The following UMOD variants were observed in gnomAD, a reference collection of about 807,000 sequenced individuals.
UMOD encodes Tamm-Horsfall urinary glycoprotein.
Under a neutral mutation model 66.0 loss-of-function variants are expected in UMOD, and 64 were observed. The observed-to-expected ratio is 0.97, with a 90% CI of 0.79 to 1.19. The LOEUF is 1.19. Ranked by LOEUF, UMOD falls within the 50% of genes most tolerant of loss-of-function variation. The probability of loss-of-function intolerance (pLI) is 0.00; values close to 1 mark genes in which losing one functional copy is unlikely to be tolerated. For synonymous variants in UMOD, 398 were observed against 352.7 expected (o/e 1.13, Z -1.44); for missense variants, 764 against 850.9 (o/e 0.90, Z 1.27).
chr16:20,344,216 A>T, intron 5 of UMOD, 44 bp from the exon 6 acceptor site: 1 of 1,546,124 alleles, frequency 6.5e-7, no homozygotes, highest in Non-Finnish European at 8.9e-7. Flanking sequence ...GGATGAGAGA[A>T]AGGGGCATGA....
In UMOD at chr16:20,337,411, A is replaced by G. The variant is rs1485082551; in HGVS notation, c.1620T>C (p.Asn540=). The part of the protein sequence containing the change: ...TRDSTIQVVE[N]GESSQGRFSV... ...AAAATCGGCCCTGGGAGGACTCCCC[A>G]TTCTCCACCACTTGGATAGTTGAGT... is the stretch of plus-strand genomic sequence containing the variant. The change falls in exon 8 of 11, where the codon AAT becomes AAC. Residue 540 remains asparagine (N), a synonymous_variant. Coordinates refer to ENST00000396138, the MANE Select transcript of UMOD (RefSeq NM_003361.4). 6.2e-7 allele frequency: 1 copy of G among 1,614,082 alleles called. No homozygotes were observed. The highest frequency in any genetic ancestry group is 8.5e-7 in the Non-Finnish European group (1 of 1,180,038).
At chr16:20,345,648 C>T (rs1439395778) in intron 5 of UMOD, among the ~76,000 whole-genome samples, 1 of 151,202 alleles carries the variant, frequency 6.6e-6, no homozygotes, top group Non-Finnish European at 1.5e-5. Flanking sequence ...AGATAATGCT[C>T]TGCTCACACA....
chr16:20,346,392 T>A, intron 4 of UMOD, 58 bp from the exon 5 acceptor site: 2 of 1,578,002 alleles, frequency 1.3e-6, no homozygotes, highest in Non-Finnish European at 8.7e-7. Context: ...GCCCAGCACA[T>A]CCCCAGGGGC....
chr16:20,341,888 C>T (rs1965243592), intron 6 of UMOD, among the ~76,000 whole-genome samples: 1 of 152,228 alleles, frequency 6.6e-6, no homozygotes, highest in Admixed American at 6.5e-5. Flanking sequence ...ACACTGAAAA[C>T]AGCCACACTG....
At chr16:20,348,139 C>A in intron 4 of UMOD, 84 bp downstream of exon 4, 1 of 1,234,640 alleles carries the variant, frequency 8.1e-7, no homozygotes, top group Admixed American at 1.7e-5. Context: ...CCCATATGGC[C>A]CCAATCTCAC....
rs371790388 is a variant in UMOD, at chr16:20,350,603, T to C, written c.88+47A>G. 8 of 1,607,760 alleles carry C rather than the reference T, an allele frequency of 5.0e-6. No individual in the cohort carries two copies. In the African/African-American group the frequency reaches 8.0e-5, roughly 16 times the overall value. ...ATTGCTTCCCCCACACATTCACACA[T>C]ACACGTGCATACACACATATACAAC... On this transcript the variant is annotated intron_variant, in intron 2 of 10. Coordinates refer to ENST00000396138, the MANE Select transcript of UMOD (RefSeq NM_003361.4).
chr16:20,345,393 T>C (rs1323326154), intron 5 of UMOD, among the ~76,000 whole-genome samples: 1 of 75,522 alleles, frequency 1.3e-5, no homozygotes, highest in Non-Finnish European at 3.6e-5. Flanking sequence ...TCCTTTCTTT[T>C]CTTTTTTTTT....
chr16:20,344,962 A>G (rs1337623960), intron 5 of UMOD, among the ~76,000 whole-genome samples: 2 of 152,210 alleles, frequency 1.3e-5, no homozygotes, highest in Non-Finnish European at 2.9e-5. Flanking sequence ...ATGCCAAGTC[A>G]CCATCAATGG....
chr16:20,353,388 T>C (rs1034442212), upstream of UMOD, among the ~76,000 whole-genome samples: 2 of 152,224 alleles, frequency 1.3e-5, no homozygotes, highest in African/African-American at 4.8e-5. Context: ...GTCTGCCTCC[T>C]TTATCTGGTG....
chr16:20,340,586 A>G (rs1965147487), intron 7 of UMOD, among the ~76,000 whole-genome samples: 1 of 151,958 alleles, frequency 6.6e-6, no homozygotes, highest in African/African-American at 2.4e-5. Context: ...GTAACTAAAA[A>G]GTACTGATGA....
chr16:20,342,176 C>G (rs1965261204), intron 6 of UMOD, among the ~76,000 whole-genome samples: 1 of 152,300 alleles, frequency 6.6e-6, no homozygotes, highest in East Asian at 1.9e-4. Context: ...AAGACCCTGT[C>G]TCTATAAAAA....
At chr16:20,355,494 C>T (rs1966015228), upstream of UMOD, among the ~76,000 whole-genome samples, 1 of 151,492 alleles carries the variant, frequency 6.6e-6, no homozygotes, top group Non-Finnish European at 1.5e-5. Context: ...ACCTCCACCT[C>T]CCAAGTTCAA....
chr16:20,348,518 G>C lies in UMOD; in HGVS notation c.783C>G (p.Ser261=), dbSNP rs1268996808. Residue 261 remains serine (S), a synonymous_variant, in exon 3 of 11, where the codon TCC becomes TCG. Coordinates refer to ENST00000396138, the MANE Select transcript of UMOD (RefSeq NM_003361.4). ...CGCCGGCACAGGCCTTCACCTGGACGGACGCATCCCACAGGCAGCAGTGGC... is the reference window on the plus strand; with the variant it reads ...CGCCGGCACAGGCCTTCACCTGGACCGACGCATCCCACAGGCAGCAGTGGC... ...WSGHCCLWDA[S]VQVKACAGGY... 4 of 1,607,244 alleles carry C rather than the reference G, an allele frequency of 2.5e-6. No individual in the cohort carries two copies. Among genetic ancestry groups the C allele is most frequent in the East Asian group, 4.5e-5 (2 of 44,830 alleles).
Position 20,350,758 on chromosome 16 carries a change from C to A in UMOD, c.-21G>T. On this transcript the variant is annotated 5_prime_UTR_variant, in exon 2 of 11. Coordinates refer to ENST00000396138, the MANE Select transcript of UMOD (RefSeq NM_003361.4). ...CCCATCCTTTCTGCTCTTCCCGCTA[C>A]TTCAGGTCTAGATAGCACCTGCCCA... 6.2e-7 allele frequency: 1 copy of A among 1,614,146 alleles called. No individual in the cohort carries two copies. The highest frequency in any genetic ancestry group is 8.5e-7 in the Non-Finnish European group (1 of 1,180,004).
At chr16:20,339,188 A>G (rs920446705) in intron 7 of UMOD, among the ~76,000 whole-genome samples, 1 of 152,266 alleles carries the variant, frequency 6.6e-6, no homozygotes, top group African/African-American at 2.4e-5. Flanking sequence ...TGGCAAAGCC[A>G]AGATTTGAAC....
At chr16:20,349,462 C>T (rs889484090) in intron 2 of UMOD, among the ~76,000 whole-genome samples, 1 of 152,242 alleles carries the variant, frequency 6.6e-6, no homozygotes, top group Non-Finnish European at 1.5e-5. Context: ...CTTGCTCTGT[C>T]GCCCAGGCTG....
rs1386950258 is a variant in UMOD, at chr16:20,344,101, G to A, written c.1254C>T (p.Asn418=). 1.9e-6 allele frequency: 3 copies of A among 1,595,160 alleles called. No individual in the cohort carries two copies. The highest frequency in any genetic ancestry group is 1.3e-5 in the African/African-American group (1 of 74,112). Residue 418 remains asparagine (N), a synonymous_variant, in exon 6 of 11, where the codon AAC becomes AAT. Transcript: ENST00000396138. ...AGGAGCATGCAAAGTTGATTTTGAT[G>A]TTGAGGTCACGGATGATGATCTCAT... ...LADEIIIRDL[N]IKINFACSYP...
In UMOD at chr16:20,339,050, C is replaced by T. The variant is rs181066099; in HGVS notation, c.1578-1597G>A. On this transcript the variant is annotated intron_variant, in intron 7 of 10. Coordinates refer to ENST00000396138, the MANE Select transcript of UMOD (RefSeq NM_003361.4). ...TGCTGGGATTACAGGCGTGAGCCAT[C>T]GTGCCCGTTATACTCATGAAAAACA... Among the ~76,000 whole-genome samples, 198 of 152,374 alleles carry T rather than the reference C, an allele frequency of 1.3e-3. 2 individuals carry two copies. The highest frequency in any genetic ancestry group is 3.5e-3 in the Admixed American group (53 of 15,304).
At chr16:20,351,276 C>T in intron 1 of UMOD, 1 of 194,594 alleles carries the variant, frequency 5.1e-6, no homozygotes, top group South Asian at 1.1e-4. Context: ...GAACAATGAA[C>T]ATGGCAGTCT....
Sources: gnomAD v4.1 joint callset for allele counts (sites outside exome capture counted in the v4.1 genomes callset) on GRCh38, gnomAD v4.1.1 for gene constraint, MANE v1.5 for transcripts, NCBI Gene and HGNC (gene_info 2026-07-23, HGNC 2026-07-21) for gene names.